The following DKK3 variants were observed in gnomAD, a reference collection of about 807,000 sequenced individuals.
DKK3 encodes the protein dickkopf-related protein 3.
In DKK3, 22 loss-of-function variants were observed where a neutral mutation model predicts 33.2. That is an observed-to-expected ratio of 0.66 (90% CI 0.47 to 0.95). The LOEUF (loss-of-function observed/expected upper bound fraction) is 0.95. Among genes scored for constraint, DKK3 ranks in the 40% least tolerant of loss-of-function variants. The pLI, the probability that DKK3 is intolerant of heterozygous loss-of-function variation, is 0.00. For synonymous variants in DKK3, 194 were observed against 188.8 expected (o/e 1.03, Z -0.23); for missense variants, 398 against 458.4 (o/e 0.87, Z 1.20).
intron 3 of DKK3, among the ~76,000 whole-genome samples, chr11:11,974,183 G>A (rs73417311): frequency 0.023 from 3,515 of 152,346 alleles, 131 homozygotes; most frequent in African/African-American, 0.081. Flanking sequence ...TCCACCAATA[G>A]GATGCACTTG....
At chr11:12,007,117 G>C (rs1039612400) in intron 1 of DKK3, among the ~76,000 whole-genome samples, 3 of 152,216 alleles carry the variant, frequency 2.0e-5, no homozygotes, top group Non-Finnish European at 4.4e-5. Context: ...TCCCAAGCCA[G>C]TGTCCCCTTC....
intron 3 of DKK3, chr11:11,994,479 A>G (rs1848250172): frequency 6.6e-6 from 1 of 151,978 alleles, no homozygotes; most frequent in Admixed American, 6.6e-5. Flanking sequence ...CTCAGCCACC[A>G]CCCTAGCCTC....
intron 3 of DKK3, among the ~76,000 whole-genome samples, chr11:11,973,723 T>C (rs1847774080): frequency 6.6e-6 from 1 of 152,228 alleles, no homozygotes; most frequent in Non-Finnish European, 1.5e-5. Context: ...AATGTCAGGC[T>C]GGAAGCAGCC....
At position 12,008,387 on chromosome 11, in the gene DKK3, G is replaced by T. The variant is rs1228110066; in HGVS notation, c.196C>A (p.Arg66Ser). 1.2e-6 allele frequency: 2 copies of T among 1,606,300 alleles called. No individual in the cohort carries two copies. Among genetic ancestry groups the T allele is most frequent in the Non-Finnish European group, 1.7e-6 (2 of 1,177,998 alleles). Residue 66 changes from arginine (R) to serine (S), a missense_variant, in exon 1 of 7, where the codon CGC (arginine) becomes AGC (serine). Physicochemically the swap from Arg to Ser is moderately radical, Grantham distance 110 (BLOSUM62 -1). Transcript: ENST00000683431. This position sits in a 1 kb window ranked among gnomAD's most constrained non-coding sequence, Gnocchi z 4.6. ...ELMEDTQHKL[R>S]SAVEEMEAEE... is the part of the protein sequence containing the mutation. Reference sequence around the variant, plus strand: ...GCACCCACCTCTTCCACCGCGCTGCGCAATTTGTGCTGCGTGTCCTCCATC... The same window carrying T: ...GCACCCACCTCTTCCACCGCGCTGCTCAATTTGTGCTGCGTGTCCTCCATC...
intron 2 of DKK3, chr11:12,001,529 T>C (rs1848428038): frequency 6.6e-6 from 1 of 152,208 alleles, no homozygotes; most frequent in African/African-American, 2.4e-5. Flanking sequence ...GGCTCCTTGA[T>C]ATTCACAACG....
intron 3 of DKK3, among the ~76,000 whole-genome samples, chr11:11,987,834 T>C (rs184919089): frequency 3.3e-5 from 5 of 152,350 alleles, no homozygotes; most frequent in Admixed American, 3.3e-4. Flanking sequence ...AGTTACTCTT[T>C]CAAAGCAACA....
intron 3 of DKK3, among the ~76,000 whole-genome samples, chr11:11,978,368 T>C (rs1847879347): frequency 6.6e-6 from 1 of 152,114 alleles, no homozygotes; most frequent in Admixed American, 6.6e-5. Flanking sequence ...TTCAGGGGCT[T>C]TGTGAGCATG....
At chr11:12,003,992 T>C (rs988235087) in intron 1 of DKK3, among the ~76,000 whole-genome samples, 2 of 152,342 alleles carry the variant, frequency 1.3e-5, no homozygotes, top group Admixed American at 1.3e-4. Flanking sequence ...GATTCTGAGA[T>C]GGCTGCTGAG....
chr11:11,967,529 C>T (rs1229739560), intron 4 of DKK3, among the ~76,000 whole-genome samples: 1 of 152,234 alleles, frequency 6.6e-6, no homozygotes, highest in Non-Finnish European at 1.5e-5. Flanking sequence ...TGCAGCCACA[C>T]AGGGCATGGC....
At chr11:11,975,849 A>T (rs1847821932) in intron 3 of DKK3, among the ~76,000 whole-genome samples, 1 of 152,192 alleles carries the variant, frequency 6.6e-6, no homozygotes, top group Non-Finnish European at 1.5e-5. Flanking sequence ...ATCTGGGGCC[A>T]TGTAGGGCTG....
intron 1 of DKK3, among the ~76,000 whole-genome samples, chr11:12,005,463 A>G (rs1848518647): frequency 6.6e-6 from 1 of 152,228 alleles, no homozygotes; most frequent in Admixed American, 6.5e-5. Flanking sequence ...GCTGGCCATG[A>G]GGGGAAGAGA....
intron 5 of DKK3, among the ~76,000 whole-genome samples, chr11:11,966,678 G>A (rs1452098128): frequency 6.6e-6 from 1 of 152,150 alleles, no homozygotes; most frequent in African/African-American, 2.4e-5. Context: ...GGAGTGGTGG[G>A]AGGGAGGGGG....
chr11:11,989,462 T>C (rs543662126), intron 3 of DKK3, among the ~76,000 whole-genome samples: 2 of 152,120 alleles, frequency 1.3e-5, no homozygotes, highest in African/African-American at 2.4e-5. Flanking sequence ...CCTGAGGACA[T>C]TACACTAAGA....
At chr11:11,999,611 G>T (rs1162711286) in intron 2 of DKK3, among the ~76,000 whole-genome samples, 1 of 152,040 alleles carries the variant, frequency 6.6e-6, no homozygotes, top group South Asian at 2.1e-4. Flanking sequence ...CTGGGCGATA[G>T]AGTGAGACTC....
chr11:11,986,300 C>A (rs992499736), intron 3 of DKK3, among the ~76,000 whole-genome samples: 1 of 152,132 alleles, frequency 6.6e-6, no homozygotes, highest in African/African-American at 2.4e-5. Context: ...GTGTCAATGG[C>A]CAACCTCTTC....
intron 3 of DKK3, 96 bp downstream of exon 3, chr11:11,998,600 C>T: frequency 1.9e-6 from 2 of 1,075,702 alleles, no homozygotes; most frequent in Admixed American, 3.5e-5. Context: ...TCCACTCCCT[C>T]CTGCCCATGG....
chr11:12,002,471 T>C, intron 1 of DKK3, 34 bp from the exon 2 acceptor site: 1 of 1,595,904 alleles, frequency 6.3e-7, no homozygotes, highest in Non-Finnish European at 8.6e-7. Flanking sequence ...AGCAAAATTA[T>C]TTTCTCTTGT....
intron 3 of DKK3, among the ~76,000 whole-genome samples, chr11:11,987,677 C>T (rs1848099856): frequency 6.6e-6 from 1 of 152,196 alleles, no homozygotes; most frequent in South Asian, 2.1e-4. Flanking sequence ...GTTCAGGGGA[C>T]CCTGTGAATT....
chr11:11,984,670 A>G (rs1848027972), intron 3 of DKK3, among the ~76,000 whole-genome samples: 1 of 151,654 alleles, frequency 6.6e-6, no homozygotes, highest in Non-Finnish European at 1.5e-5. Context: ...AAAAAAAAAA[A>G]AAGAAAAAGT....
Sources: allele counts gnomAD v4.1 joint callset (sites outside exome capture counted in the v4.1 genomes callset), GRCh38; gene constraint gnomAD v4.1.1; non-coding constraint Gnocchi (gnomAD v3.1); transcripts MANE v1.5; gene names NCBI Gene and HGNC (gene_info 2026-07-23, HGNC 2026-07-21).